Variants in TET1 observed in about 807,000 individuals in gnomAD.
TET1 encodes the protein tet methylcytosine dioxygenase 1.
A neutral mutation model predicts 148.7 loss-of-function variants in TET1; 13 were observed. That is an observed-to-expected ratio of 0.09 (90% CI 0.06 to 0.14). TET1 has a LOEUF of 0.14. TET1 is among the 10% of genes least tolerant of loss of function. TET1 has a pLI of 1.00. For missense variants in TET1, 2,182 were observed against 2,553.8 expected (o/e 0.85, Z 3.14); for synonymous variants, 907 against 937.2 (o/e 0.97, Z 0.59).
Position 68,573,549 on chromosome 10 carries a change from T to C in TET1, c.1211T>C (p.Val404Ala), listed in dbSNP as rs1476606636. 1.9e-6 allele frequency: 3 copies of C among 1,614,080 alleles called. No individual in the cohort carries two copies. Among genetic ancestry groups the C allele is most frequent in the African/African-American group, 2.7e-5 (2 of 74,930 alleles). ...CCAGAGATTCCTGGTGCTATTCCAG[T>C]CCAAGGAGAGGTCTTTGGTACTATT... Reference protein sequence around the residue: ...DLPEIPGAIPVQGEVFGTILD... With the variant: ...DLPEIPGAIPAQGEVFGTILD... Residue 404 changes from valine to alanine, a missense_variant, in exon 2 of 12, where the codon GTC becomes GCC. Physicochemically the swap from Val to Ala is moderately conservative, Grantham distance 64 (BLOSUM62 0). This residue lies in a region of TET1 where 665 missense variants were observed against 672.4 expected (regional missense o/e 0.99). Coordinates refer to ENST00000373644, the MANE Select transcript of TET1 (RefSeq NM_030625.3).
At chr10:68,675,518 G>T (rs2055336544) in intron 8 of TET1, among the ~76,000 whole-genome samples, 2 of 151,866 alleles carry the variant, frequency 1.3e-5, no homozygotes, top group Non-Finnish European at 2.9e-5. Context: ...AAGAACGGAT[G>T]GGACGATTTT....
chr10:68,646,687 C>T lies in TET1; in HGVS notation c.3958C>T (p.Arg1320Trp), dbSNP rs149434944. 5.6e-6 allele frequency: 9 copies of T among 1,614,154 alleles called. No homozygotes were observed. Among genetic ancestry groups the T allele is most frequent in the South Asian group, 1.1e-5 (1 of 91,076 alleles). ...ANVMAGDDQI[R>W]FQQVVKEQLM... Reference sequence around the variant, plus strand: ...CGTGATGGCAGGCGATGACCAAATACGGTTTCAGCAGGTTGTTAAGGAGCA... The same window carrying T: ...CGTGATGGCAGGCGATGACCAAATATGGTTTCAGCAGGTTGTTAAGGAGCA... Residue 1320 changes from arginine (R) to tryptophan (W), a missense_variant, in exon 4 of 12, where the codon CGG becomes TGG. Coordinates refer to ENST00000373644, the MANE Select transcript of TET1 (RefSeq NM_030625.3).
At chr10:68,624,642 TTC>T (rs2054434559) in intron 3 of TET1, among the ~76,000 whole-genome samples, 1 of 50,354 alleles carries the variant, frequency 2.0e-5, no homozygotes, top group Non-Finnish European at 3.5e-5. Flanking sequence ...CTTTCTTTCT[TTC>T]TTTCTTTCTT....
intron 2 of TET1, among the ~76,000 whole-genome samples, chr10:68,593,928 T>TG (rs2053949222): frequency 7.8e-6 from 1 of 127,540 alleles, no homozygotes; most frequent in Non-Finnish European, 1.7e-5. Flanking sequence ...TTTTTTTTTT[T>TG]TTTTTTTTTT....
At chr10:68,683,942 G>A (rs1564510152) in intron 10 of TET1, among the ~76,000 whole-genome samples, 2 of 152,184 alleles carry the variant, frequency 1.3e-5, no homozygotes, top group South Asian at 4.1e-4. Context: ...AGAAGACCCA[G>A]TGGAAAATCT....
At chr10:68,564,457 T>C (rs950195320) in intron 1 of TET1, among the ~76,000 whole-genome samples, 9 of 150,172 alleles carry the variant, frequency 6.0e-5, no homozygotes, top group Non-Finnish European at 1.3e-4. Flanking sequence ...CCAAAAATTA[T>C]TCTGTTGTTG....
chr10:68,616,486 G>A (rs1333098415), intron 3 of TET1, among the ~76,000 whole-genome samples: 1 of 152,022 alleles, frequency 6.6e-6, no homozygotes, highest in Non-Finnish European at 1.5e-5. Flanking sequence ...GTATCTGCCA[G>A]GTTTCTCCAG....
intron 3 of TET1, among the ~76,000 whole-genome samples, chr10:68,613,982 C>T (rs2054254043): frequency 6.6e-6 from 1 of 151,928 alleles, no homozygotes; most frequent in African/African-American, 2.4e-5. Context: ...TTTGGTGAAC[C>T]TTATTTGAAG....
In TET1 at chr10:68,652,550, G is replaced by C; in HGVS notation, c.4417G>C (p.Gly1473Arg). 1 of 1,612,834 alleles carries C rather than the reference G, an allele frequency of 6.2e-7. No individual in the cohort carries two copies. Among genetic ancestry groups the C allele is most frequent in the Non-Finnish European group, 8.5e-7 (1 of 1,179,346 alleles). ...AAGGATAGAAATAGTAGTGTACACCGGTAAAGAAGGGAAAAGCTCTCATGG... is the reference window on the plus strand; with the variant it reads ...AAGGATAGAAATAGTAGTGTACACCCGTAAAGAAGGGAAAAGCTCTCATGG... ...AIRIEIVVYT[G>R]KEGKSSHGCP... The change falls in exon 6 of 12, where the codon GGT (glycine) becomes CGT (arginine). Residue 1473 changes from glycine (G) to arginine (R), a missense_variant. Gly to Arg is a moderately radical substitution (Grantham distance 125). Around this residue, in one of 11 missense-constraint regions of TET1, gnomAD observed 169 missense variants for 263.7 expected, o/e 0.64. Coordinates refer to ENST00000373644, the MANE Select transcript of TET1 (RefSeq NM_030625.3).
chr10:68,642,637 T>G (rs1415864764), intron 3 of TET1, among the ~76,000 whole-genome samples: 1 of 151,952 alleles, frequency 6.6e-6, no homozygotes, highest in African/African-American at 2.4e-5. Context: ...GGAGTTTCAC[T>G]CCTATTGCCT....
chr10:68,670,837 G>A (rs563959232), intron 7 of TET1, among the ~76,000 whole-genome samples: 42 of 152,004 alleles, frequency 2.8e-4, no homozygotes, highest in Admixed American at 1.1e-3. Flanking sequence ...CTTTCACAGT[G>A]AAAACATAAA....
intron 8 of TET1, among the ~76,000 whole-genome samples, chr10:68,679,712 C>T (rs571715803): frequency 1.3e-5 from 2 of 152,220 alleles, no homozygotes; most frequent in African/African-American, 2.4e-5. Context: ...CTGGCTCTGT[C>T]TCCCAGGCTG....
In TET1 at chr10:68,574,026, C is replaced by T. The variant is rs1367261062; in HGVS notation, c.1688C>T (p.Thr563Ile). The change falls in exon 2 of 12, where the codon ACT becomes ATT. Residue 563 changes from threonine to isoleucine, a missense_variant. This residue lies in a region of TET1 where 665 missense variants were observed against 672.4 expected (regional missense o/e 0.99). Transcript: ENST00000373644. ...CATGTTGTCAACACCACAGTGGTGA[C>T]TATGCCAGTGCCAATGGTCAGTACC... ...TVHVVNTTVVTMPVPMVSTSS... is the reference protein window; with the variant it reads ...TVHVVNTTVVIMPVPMVSTSS... 2.5e-6 allele frequency: 4 copies of T among 1,614,066 alleles called. No homozygotes were observed. The highest frequency in any genetic ancestry group is 2.2e-5 in the East Asian group (1 of 44,886).
intron 3 of TET1, among the ~76,000 whole-genome samples, chr10:68,605,827 TTA>T (rs1405827335): frequency 6.6e-6 from 1 of 152,184 alleles, no homozygotes; most frequent in Non-Finnish European, 1.5e-5. Context: ...TAAATTATTT[TTA>T]TATATACTAG....
At chr10:68,687,022 G>T (rs1015867537) in intron 11 of TET1, among the ~76,000 whole-genome samples, 2 of 151,850 alleles carry the variant, frequency 1.3e-5, no homozygotes, top group African/African-American at 4.8e-5. Context: ...TGCTTAGCTG[G>T]GACCACAGGC....
At chr10:68,676,250 ATATATATATATATATATATTTTTTTTTT>A (rs1396665736) in intron 8 of TET1, among the ~76,000 whole-genome samples, 3 of 31,998 alleles carry the variant, frequency 9.4e-5, no homozygotes, top group African/African-American at 4.6e-4. Flanking sequence ...ATATATATAT[ATATATATATATATATATATTTTTTTTTT>A]TTTTTTTTTT....
Position 68,645,441 on chromosome 10 carries a change from A to T in TET1, c.2712A>T (p.Pro904=), listed in dbSNP as rs1208668303. ...CCCTGACTCAACTCTCAGAAGCCCC[A>T]TCAGAGAATTCCTCCCCATCAAAGT... The part of the protein sequence containing the change: ...IEALTQLSEA[P]SENSSPSKSE... Residue 904 remains proline, a synonymous_variant, in exon 4 of 12, where the codon CCA becomes CCT. Coordinates refer to ENST00000373644, the MANE Select transcript of TET1 (RefSeq NM_030625.3). The T allele has an allele frequency of 6.2e-7, 1 of 1,613,984 alleles. No individual in the cohort carries two copies.
chr10:68,615,225 C>T (rs1015558545), intron 3 of TET1, among the ~76,000 whole-genome samples: 2 of 152,052 alleles, frequency 1.3e-5, no homozygotes, highest in Admixed American at 6.6e-5. Context: ...GCCACCGCTC[C>T]CAGCCTGGCA....
At chr10:68,678,635 G>T (rs2055395389) in intron 8 of TET1, among the ~76,000 whole-genome samples, 1 of 151,712 alleles carries the variant, frequency 6.6e-6, no homozygotes, top group South Asian at 2.1e-4. Flanking sequence ...CTGTAATTCC[G>T]GCTACTCAAG....
Sources: gnomAD v4.1 joint callset for allele counts (sites outside exome capture counted in the v4.1 genomes callset) on GRCh38, gnomAD v4.1.1 for gene constraint, gnomAD v4.1.1 regional missense constraint, MANE v1.5 for transcripts, NCBI Gene and HGNC (gene_info 2026-07-23, HGNC 2026-07-21) for gene names.